Variants in LAP3 observed in about 807,000 individuals in gnomAD.
LAP3 encodes leucine aminopeptidase 3.
In LAP3, 46 loss-of-function variants were observed where a neutral mutation model predicts 58.8. That is an observed-to-expected ratio of 0.78 (90% CI 0.62 to 1.00). The LOEUF (loss-of-function observed/expected upper bound fraction) is 1.00, where lower values mean the gene tolerates loss of function less well. Ranked by LOEUF, LAP3 falls within the 50% of genes least tolerant of loss-of-function variation. The pLI, the probability that LAP3 is intolerant of heterozygous loss-of-function variation, is 0.00. For synonymous variants in LAP3, 257 were observed against 237.7 expected (o/e 1.08, Z -0.75); for missense variants, 615 against 659.1 (o/e 0.93, Z 0.73).
chr4:17,584,856 T>G, intron 5 of LAP3, 116 bp from the exon 6 acceptor site: 1 of 1,010,584 alleles, frequency 9.9e-7, no homozygotes, highest in South Asian at 1.7e-5. Context: ...TGCCAATTGT[T>G]TTTGATTTGT....
At chr4:17,606,336 TTTTA>T (rs908937397) in intron 11 of LAP3, among the ~76,000 whole-genome samples, 2 of 152,102 alleles carry the variant, frequency 1.3e-5, no homozygotes, top group Admixed American at 1.3e-4. Flanking sequence ...TCTTTTTATT[TTTTA>T]TTTATTTATT....
chr4:17,606,176 GGTCCA>G (rs1260891887), intron 11 of LAP3, among the ~76,000 whole-genome samples: 3 of 152,094 alleles, frequency 2.0e-5, no homozygotes, highest in African/African-American at 4.8e-5. Flanking sequence ...CAGTGATACA[GGTCCA>G]GTCGTGTGTT....
Position 17,588,909 on chromosome 4 carries a change from C to G in LAP3, c.795C>G (p.His265Gln), listed in dbSNP as rs773150110. Residue 265 changes from histidine (H) to glutamine (Q), a missense_variant, in exon 7 of 13, where the codon CAC (histidine) becomes CAG (glutamine). Coordinates refer to ENST00000226299, the MANE Select transcript of LAP3 (RefSeq NM_015907.3). ...SDEPPVFLEIHYKGSPNANEP... is the reference protein window; with the variant it reads ...SDEPPVFLEIQYKGSPNANEP... ...AGCCCCCAGTCTTCTTGGAAATTCA[C>G]TACAAAGGCAGCCCCAATGCAAACG... 1 of 1,614,042 alleles carries G rather than the reference C, an allele frequency of 6.2e-7. No homozygotes were observed. Among genetic ancestry groups the G allele is most frequent in the African/African-American group, 1.3e-5 (1 of 74,916 alleles).
intron 5 of LAP3, 138 bp from the exon 6 acceptor site, chr4:17,584,834 C>G: frequency 1.3e-6 from 1 of 786,618 alleles, no homozygotes; most frequent in Non-Finnish European, 2.0e-6. Context: ...AAAAATGAAT[C>G]CAGGTCCTGT....
In LAP3 at chr4:17,577,278, G is replaced by T; in HGVS notation, c.-188G>T. ...TGAGTCCCCTCCACAACCGCGGTTT[G>T]ATCCCAGCGGTCCAGTCGGCCGGTG... On this transcript the variant is annotated 5_prime_UTR_variant, in exon 1 of 13. Transcript: ENST00000226299. 2.1e-6 allele frequency: 1 copy of T among 474,932 alleles called. No individual in the cohort carries two copies. The highest frequency in any genetic ancestry group is 3.6e-5 in the East Asian group (1 of 27,404). The allele number at this position is 474,932 out of a possible 1,614,324, so 29.4% of individuals were successfully genotyped here.
Position 17,577,515 on chromosome 4 carries a change from T to G in LAP3, c.50T>G (p.Leu17Arg). ...PAAGRVVVRR[L>R]AVRRFGSRSL... Reference sequence around the variant, plus strand: ...GCGGGGCGAGTAGTCGTCCGACGTCTGGCCGTGAGACGTTTCGGGAGCCGG... The same window carrying G: ...GCGGGGCGAGTAGTCGTCCGACGTCGGGCCGTGAGACGTTTCGGGAGCCGG... Residue 17 changes from leucine to arginine, a missense_variant, in exon 1 of 13, where the codon CTG becomes CGG. Physicochemically the swap from Leu to Arg is moderately radical, Grantham distance 102 (BLOSUM62 -2). Coordinates refer to ENST00000226299, the MANE Select transcript of LAP3 (RefSeq NM_015907.3). 1 of 1,587,586 alleles carries G rather than the reference T, an allele frequency of 6.3e-7. No homozygotes were observed. Among genetic ancestry groups the G allele is most frequent in the Non-Finnish European group, 8.6e-7 (1 of 1,168,626 alleles).
chr4:17,604,240 C>G (rs986598146), intron 10 of LAP3, among the ~76,000 whole-genome samples: 1 of 138,540 alleles, frequency 7.2e-6, no homozygotes, highest in African/African-American at 2.8e-5. Flanking sequence ...CATACCACTA[C>G]ACTGCAGCCT....
rs971852477 is a variant in LAP3 at position 17,579,951 on chromosome 4, T to C, written c.218+12T>C. ...GAGACTTTGAACATGTAAGTGTTGC[T>C]TGTGGGCTCTAGTTCTTAAAGTGCC... is the stretch of plus-strand genomic sequence containing the variant. On this transcript the variant is annotated intron_variant, in intron 2 of 12. Transcript: ENST00000226299. 1 of 1,466,112 alleles carries C rather than the reference T, an allele frequency of 6.8e-7. No homozygotes were observed. Among genetic ancestry groups the C allele is most frequent in the African/African-American group, 1.4e-5 (1 of 71,152 alleles). 90.8% of individuals were successfully genotyped at this position (1,466,112 alleles called of 1,614,324 possible).
intron 12 of LAP3, 123 bp from the exon 13 acceptor site, chr4:17,607,277 C>A: frequency 1.4e-6 from 1 of 713,750 alleles, no homozygotes; most frequent in Non-Finnish European, 2.3e-6. Flanking sequence ...TGTGGGTTAG[C>A]ATCTTAATAG....
chr4:17,588,814 T>A lies in LAP3; in HGVS notation c.705-5T>A. ...ATTTACTTTTTCCCTCTTTCTACCC[T>A]ATAGACCCAAGTCTTGGATTGAGGA... On this transcript the variant is annotated splice_polypyrimidine_tract_variant and splice_region_variant and intron_variant, in intron 6 of 12. Transcript: ENST00000226299. 6.2e-7 allele frequency: 1 copy of A among 1,613,144 alleles called. No individual in the cohort carries two copies. The highest frequency in any genetic ancestry group is 8.5e-7 in the Non-Finnish European group (1 of 1,179,336).
At chr4:17,605,443 C>T (rs1055759944) in intron 11 of LAP3, among the ~76,000 whole-genome samples, 3 of 152,196 alleles carry the variant, frequency 2.0e-5, no homozygotes, top group Non-Finnish European at 4.4e-5. Flanking sequence ...ATCTCTCTCC[C>T]GAGTCCCAGC....
At chr4:17,588,234 C>T (rs1192893126) in intron 6 of LAP3, among the ~76,000 whole-genome samples, 1 of 151,508 alleles carries the variant, frequency 6.6e-6, no homozygotes, top group Non-Finnish European at 1.5e-5. Flanking sequence ...CAAGTCTCAA[C>T]TTGTTGCCTA....
intron 7 of LAP3, among the ~76,000 whole-genome samples, chr4:17,593,757 T>C (rs1266466330): frequency 6.6e-6 from 1 of 151,814 alleles, no homozygotes; most frequent in East Asian, 1.9e-4. Flanking sequence ...GGACTACAGA[T>C]GCGAACCACT....
rs10609509 is a variant in LAP3 at position 17,605,118 on chromosome 4, CCACACACA to C, written c.1260+475_1260+482del. ...CTCTTCCCAGCAGTCACCCTCACTTCCACACACACACACACACACACACACACACACCC... is the reference window on the plus strand; with the variant it reads ...CTCTTCCCAGCAGTCACCCTCACTTCCACACACACACACACACACACACCC... On this transcript the variant is annotated intron_variant, in intron 11 of 12. Transcript: ENST00000226299. Among the ~76,000 whole-genome samples, 1,144 of 147,024 alleles carry C rather than the reference CCACACACA, an allele frequency of 7.8e-3. 7 individuals are homozygous for C. Among genetic ancestry groups the C allele is most frequent in the Non-Finnish European group, 0.013 (877 of 66,736 alleles).
At chr4:17,601,656 G>A (rs999094562) in intron 10 of LAP3, among the ~76,000 whole-genome samples, 1 of 152,060 alleles carries the variant, frequency 6.6e-6, no homozygotes, top group Non-Finnish European at 1.5e-5. Context: ...ATGTAAAATG[G>A]CATAGTATTT....
intron 6 of LAP3, among the ~76,000 whole-genome samples, chr4:17,588,348 T>C (rs1359172067): frequency 6.6e-6 from 1 of 152,230 alleles, no homozygotes; most frequent in Non-Finnish European, 1.5e-5. Flanking sequence ...TTTCACTTTT[T>C]TGCCCAGGCT....
At chr4:17,600,096 C>T (rs1321238443) in intron 10 of LAP3, among the ~76,000 whole-genome samples, 2 of 152,180 alleles carry the variant, frequency 1.3e-5, no homozygotes, top group African/African-American at 4.8e-5. Context: ...TCCAAATGTT[C>T]TCTTCCTAGT....
Position 17,582,338 on chromosome 4 carries a change from C to A in LAP3, c.324C>A (p.Ile108=). 3.1e-6 allele frequency: 5 copies of A among 1,614,064 alleles called. No homozygotes were observed. In the African/African-American group the frequency reaches 4.0e-5, roughly 13 times the overall value. ...LVGLGKKAAG[I]DEQENWHEGK... ...GCCTCGGCAAAAAGGCAGCTGGAATCGACGAACAGGAAAACTGGCATGAAG... is the reference window on the plus strand; with the variant it reads ...GCCTCGGCAAAAAGGCAGCTGGAATAGACGAACAGGAAAACTGGCATGAAG... The change falls in exon 4 of 13, where the codon ATC becomes ATA. Residue 108 remains isoleucine (I), a synonymous_variant. Transcript: ENST00000226299.
Position 17,579,820 on chromosome 4 carries a change from C to G in LAP3, c.103-4C>G. 1.3e-6 allele frequency: 2 copies of G among 1,573,944 alleles called. No homozygotes were observed. Among genetic ancestry groups the G allele is most frequent in the Non-Finnish European group, 1.7e-6 (2 of 1,148,048 alleles). On this transcript the variant is annotated splice_polypyrimidine_tract_variant and splice_region_variant and intron_variant, in intron 1 of 12. Transcript: ENST00000226299. ...TTATATTTACGTTTTTTGCTTATTCCCAGGGCCTTGTTTTAGGAATCTATT... is the reference window on the plus strand; with the variant it reads ...TTATATTTACGTTTTTTGCTTATTCGCAGGGCCTTGTTTTAGGAATCTATT...
Sources: gnomAD v4.1 joint callset for allele counts (sites outside exome capture counted in the v4.1 genomes callset) on GRCh38, gnomAD v4.1.1 for gene constraint, MANE v1.5 for transcripts, NCBI Gene and HGNC (gene_info 2026-07-23, HGNC 2026-07-21) for gene names.